FGF14: variants seen among roughly 807,000 people sequenced by gnomAD.
FGF14 encodes fibroblast growth factor homologous factor 4.
Under a neutral mutation model 25.5 loss-of-function variants are expected in FGF14, and 5 were observed. That is an observed-to-expected ratio of 0.20 (90% CI 0.10 to 0.41). FGF14 has a LOEUF of 0.41. Ranked by LOEUF, FGF14 falls within the 10% of genes least tolerant of loss-of-function variation. The probability of loss-of-function intolerance (pLI) is 1.00; values close to 1 mark genes in which losing one functional copy is unlikely to be tolerated. For synonymous variants in FGF14, 138 were observed against 118.3 expected (o/e 1.17, Z -1.08); for missense variants, 222 against 320.1 (o/e 0.69, Z 2.34).
chr13:102,308,646 C>G (rs2055536168), intron 1 of FGF14, among the ~76,000 whole-genome samples: 1 of 152,154 alleles, frequency 6.6e-6, no homozygotes, highest in African/African-American at 2.4e-5. Context: ...CTGAACAAGT[C>G]ATTTTACATG....
chr13:101,831,366 G>T (rs1448208436), intron 3 of FGF14, among the ~76,000 whole-genome samples: 1 of 151,820 alleles, frequency 6.6e-6, no homozygotes. Context: ...ATAGGCATGA[G>T]CCACCATACC....
upstream of FGF14, among the ~76,000 whole-genome samples, chr13:101,920,022 G>A (rs1005433115): frequency 5.3e-5 from 8 of 152,210 alleles, no homozygotes; most frequent in South Asian, 4.1e-4. Flanking sequence ...GGATAATCAA[G>A]GTCTTTTAGG....
chr13:102,104,871 C>T (rs1397236121), intron 1 of FGF14, among the ~76,000 whole-genome samples: 1 of 152,084 alleles, frequency 6.6e-6, no homozygotes. Context: ...TTTTCCTTTG[C>T]CCCTGAAATC....
chr13:102,378,631 C>CTATCTATCTATCTATA (rs757841395), intron 1 of FGF14, among the ~76,000 whole-genome samples: 8 of 141,826 alleles, frequency 5.6e-5, no homozygotes, highest in East Asian at 4.2e-4. Flanking sequence ...ATCTATCTAT[C>CTATCTATCTATCTATA]TATATATATA....
At chr13:102,000,267 T>C (rs778648689) in intron 1 of FGF14, among the ~76,000 whole-genome samples, 46 of 152,186 alleles carry the variant, frequency 3.0e-4, no homozygotes, top group Non-Finnish European at 6.0e-4. Context: ...TGCAGTGAGC[T>C]GAGATTGTGC....
intron 3 of FGF14, among the ~76,000 whole-genome samples, chr13:101,798,866 A>G (rs2040710741): frequency 6.6e-6 from 1 of 152,136 alleles, no homozygotes; most frequent in Non-Finnish European, 1.5e-5. Flanking sequence ...GCAGTGAGAA[A>G]GTCAGCTTCA....
chr13:102,011,330 T>C (rs1488562555), intron 1 of FGF14, among the ~76,000 whole-genome samples: 1 of 152,242 alleles, frequency 6.6e-6, no homozygotes, highest in African/African-American at 2.4e-5. Context: ...TCCTTCCCTT[T>C]TCTTACTTGA....
chr13:101,884,876 C>A (rs1024951609), intron 1 of FGF14, among the ~76,000 whole-genome samples: 1 of 151,990 alleles, frequency 6.6e-6, no homozygotes, highest in Non-Finnish European at 1.5e-5. Context: ...CATACACACA[C>A]ACACACACAC....
intron 1 of FGF14, among the ~76,000 whole-genome samples, chr13:101,989,257 A>G: frequency 6.6e-6 from 1 of 152,222 alleles, no homozygotes; most frequent in Middle Eastern, 3.4e-3. Flanking sequence ...TAAATTATAA[A>G]AAGTTACAAT....
chr13:101,904,287 A>G (rs935834417), intron 1 of FGF14, among the ~76,000 whole-genome samples: 3 of 152,120 alleles, frequency 2.0e-5, no homozygotes, highest in Admixed American at 2.0e-4. Context: ...TCTAGTAAGG[A>G]TAGTGGTAAA....
chr13:101,733,425 T>C (rs1431763316), intron 3 of FGF14, among the ~76,000 whole-genome samples: 1 of 151,910 alleles, frequency 6.6e-6, no homozygotes, highest in Non-Finnish European at 1.5e-5. Context: ...TGAAACCCCA[T>C]CTCTAATAAA....
intron 3 of FGF14, among the ~76,000 whole-genome samples, chr13:101,735,077 C>G (rs1186784833): frequency 1.3e-5 from 2 of 152,148 alleles, no homozygotes; most frequent in Non-Finnish European, 2.9e-5. Flanking sequence ...CTGGGCTACT[C>G]TCGCTGGAGG....
chr13:101,838,614 T>C (rs1046486045), intron 3 of FGF14, among the ~76,000 whole-genome samples: 3 of 152,074 alleles, frequency 2.0e-5, no homozygotes, highest in Non-Finnish European at 4.4e-5. Context: ...CCTGTTCTTA[T>C]AAGGATCTAA....
intron 3 of FGF14, among the ~76,000 whole-genome samples, chr13:101,743,658 CAT>C (rs1207371927): frequency 1.3e-5 from 2 of 152,066 alleles, no homozygotes; most frequent in Non-Finnish European, 2.9e-5. Flanking sequence ...GATAAAGAAA[CAT>C]ATACAACGAA....
chr13:102,080,120 G>T (rs929606666), intron 1 of FGF14, among the ~76,000 whole-genome samples: 1 of 152,182 alleles, frequency 6.6e-6, no homozygotes, highest in African/African-American at 2.4e-5. Context: ...GAGTGTCTGT[G>T]TAGAGGCCTG....
At chr13:101,888,635 C>T (rs1327286127) in intron 1 of FGF14, among the ~76,000 whole-genome samples, 5 of 152,082 alleles carry the variant, frequency 3.3e-5, no homozygotes, top group Non-Finnish European at 5.9e-5. Flanking sequence ...CATTAGTAGA[C>T]AATAGCAAAG....
At chr13:102,358,604 T>C (rs1490276364) in intron 1 of FGF14, among the ~76,000 whole-genome samples, 2 of 152,204 alleles carry the variant, frequency 1.3e-5, no homozygotes, top group Non-Finnish European at 2.9e-5. Flanking sequence ...TGATCTGTAC[T>C]CCACCTGAAA....
At chr13:101,870,906 T>TCA (rs1555302621) in intron 2 of FGF14, among the ~76,000 whole-genome samples, 1 of 152,066 alleles carries the variant, frequency 6.6e-6, no homozygotes, top group Non-Finnish European at 1.5e-5. Flanking sequence ...TGAGCCTAGA[T>TCA]CACGCCACTG....
In FGF14 at chr13:102,377,230, C is replaced by CA. The variant is rs560636244; in HGVS notation, c.208+24240dup. Among the ~76,000 whole-genome samples, 216 of 152,150 alleles carry CA rather than the reference C, an allele frequency of 1.4e-3. 2 individuals are homozygous for CA. Among genetic ancestry groups the CA allele is most frequent in the Middle Eastern group, 6.8e-3 (2 of 294 alleles). On this transcript the variant is annotated intron_variant, in intron 1 of 4. Transcript: ENST00000376131. ...AGTGTTCAGGTGTGAGCAGAATCAC[C>CA]AATAGCAAAGCTAAGGCTTAAATAC...
Sources: allele counts gnomAD v4.1 joint callset (sites outside exome capture counted in the v4.1 genomes callset), GRCh38; gene constraint gnomAD v4.1.1; transcripts MANE v1.5; gene names NCBI Gene and HGNC (gene_info 2026-07-23, HGNC 2026-07-21).